RERE: variants seen among roughly 807,000 people sequenced by gnomAD.
The protein encoded by RERE is arginine-glutamic acid dipeptide repeats, also known as arginine-glutamic acid dipeptide repeats protein.
Under a neutral mutation model 146.1 loss-of-function variants are expected in RERE, and 40 were observed. The ratio of observed to expected loss-of-function variants is 0.27; its 90% CI spans 0.21 to 0.36. RERE has a LOEUF of 0.36. Among genes scored for constraint, RERE ranks in the 10% least tolerant of loss-of-function variants. The probability of loss-of-function intolerance (pLI) is 1.00; values close to 1 mark genes in which losing one functional copy is unlikely to be tolerated. For missense variants in RERE, 1,933 were observed against 2,138.7 expected, an observed-to-expected ratio of 0.90 and a Z score of 1.90; for synonymous variants, 1,003 against 866.0, an observed-to-expected ratio of 1.16 and a Z score of -2.78.
chr1:8,579,602 A>G (rs1479433666), intron 4 of RERE, among the ~76,000 whole-genome samples: 1 of 152,258 alleles, frequency 6.6e-6, no homozygotes, highest in Non-Finnish European at 1.5e-5. Flanking sequence ...CTGCCTCTGC[A>G]TTAATAAAGA....
At chr1:8,748,485 C>G (rs1640468412) in intron 1 of RERE, among the ~76,000 whole-genome samples, 1 of 152,202 alleles carries the variant, frequency 6.6e-6, no homozygotes, top group South Asian at 2.1e-4. Flanking sequence ...ATTCTCCATA[C>G]TATTATCAGA....
At position 8,354,690 on chromosome 1, in the gene RERE, G is replaced by A. The variant is rs979918545; in HGVS notation, c.*397C>T. On this transcript the variant is annotated 3_prime_UTR_variant, in exon 23 of 23. Transcript: ENST00000400908. Reference sequence around the variant, plus strand: ...CCTATGCCCCCGATCTGCAAGCCTCGTGGGCTCTGGAGCACTCGTGGCGGA... The same window carrying A: ...CCTATGCCCCCGATCTGCAAGCCTCATGGGCTCTGGAGCACTCGTGGCGGA... 5.6e-6 allele frequency: 1 copy of A among 178,956 alleles called. No homozygotes were observed. The highest frequency in any genetic ancestry group is 1.5e-4 in the East Asian group (1 of 6,834). 11.1% of individuals were successfully genotyped at this position (178,956 alleles called of 1,614,324 possible).
At chr1:8,670,324 C>A (rs1410658514) in intron 1 of RERE, among the ~76,000 whole-genome samples, 3 of 152,188 alleles carry the variant, frequency 2.0e-5, no homozygotes, top group Admixed American at 6.5e-5. Context: ...AAATAAACAT[C>A]AATCTCCAGA....
Position 8,423,733 on chromosome 1 carries a change from CG to C in RERE, c.1204-927del, listed in dbSNP as rs1160125686. On this transcript the variant is annotated intron_variant, in intron 11 of 22. Coordinates refer to ENST00000400908, the MANE Select transcript of RERE (RefSeq NM_001042681.2). The surrounding 1 kb of genome is among the most constrained non-coding windows in gnomAD (Gnocchi z 5.4). ...GTGACCGCGGCGGGGCCGCGCGGCG[CG>C]GGGCCCGGGGGGCGCGGGGCTGGGG... The C allele has an allele frequency of 1.0e-6, 1 of 976,146 alleles. No homozygotes were observed. Among genetic ancestry groups the C allele is most frequent in the Non-Finnish European group, 1.2e-6 (1 of 824,436 alleles). 60.5% of individuals were successfully genotyped at this position (976,146 alleles called of 1,614,324 possible).
intron 7 of RERE, among the ~76,000 whole-genome samples, chr1:8,523,837 AG>A (rs2124348750): frequency 6.6e-6 from 1 of 152,368 alleles, no homozygotes; most frequent in East Asian, 1.9e-4. Context: ...CACCAGTGGC[AG>A]GAACCTGATC....
At position 8,736,851 on chromosome 1, in the gene RERE, GAAAAAAAAAAAAAAA is replaced by G. The variant is rs34872965; in HGVS notation, c.-145+80294_-145+80308del. On this transcript the variant is annotated intron_variant, in intron 1 of 22. Transcript: ENST00000400908. ...TGTTACCTCTAGGAGAAGCAAGGGG[GAAAAAAAAAAAAAAA>G]AAAAAAAAACTAAAACCTTTGGAGA... 1.6e-4 allele frequency among the ~76,000 whole-genome samples: 16 copies of G among 99,808 alleles called. No homozygotes were observed. The East Asian group carries it at 4.1e-3, about 25-fold the overall frequency. The allele number at this position is 99,808 out of a possible 152,430, so 65.5% of individuals were successfully genotyped here. A position where few individuals can be genotyped will look rare whatever the true frequency, so the allele number is the denominator to read the frequency against.
At chr1:8,402,838 C>T (rs1643309733) in intron 12 of RERE, among the ~76,000 whole-genome samples, 1 of 152,150 alleles carries the variant, frequency 6.6e-6, no homozygotes, top group Non-Finnish European at 1.5e-5. Context: ...GGTATATTCA[C>T]CTGTAAAACT....
At chr1:8,741,398 T>C (rs970809516) in intron 1 of RERE, among the ~76,000 whole-genome samples, 8 of 152,166 alleles carry the variant, frequency 5.3e-5, no homozygotes, top group East Asian at 1.9e-4. Context: ...TGGTTAGGCA[T>C]TGTGTCCCCA....
At chr1:8,581,012 T>C (rs1646358278) in intron 4 of RERE, among the ~76,000 whole-genome samples, 1 of 152,150 alleles carries the variant, frequency 6.6e-6, no homozygotes, top group African/African-American at 2.4e-5. Flanking sequence ...ACTACTCTGA[T>C]TTCCATCACA....
intron 12 of RERE, among the ~76,000 whole-genome samples, chr1:8,409,971 ATTTTTT>A (rs57424627): frequency 7.3e-5 from 7 of 95,390 alleles, no homozygotes; most frequent in Admixed American, 2.4e-4. Context: ...CAATCAGGCA[ATTTTTT>A]TTTTTTTTTT....
intron 1 of RERE, chr1:8,750,603 A>T (rs1200550003): frequency 9.4e-5 from 93 of 993,908 alleles, no homozygotes; most frequent in Non-Finnish European, 1.4e-5. Context: ...CACTATCACA[A>T]GGAATATAGG....
At chr1:8,445,017 G>A (rs1443903188) in intron 11 of RERE, among the ~76,000 whole-genome samples, 1 of 151,726 alleles carries the variant, frequency 6.6e-6, no homozygotes, top group Non-Finnish European at 1.5e-5. Flanking sequence ...ATTTTTAAAT[G>A]TCAATGTTTG....
At chr1:8,379,509 TATGAAAAC>T (rs1024486127) in intron 12 of RERE, among the ~76,000 whole-genome samples, 5 of 152,290 alleles carry the variant, frequency 3.3e-5, no homozygotes, top group African/African-American at 1.2e-4. Context: ...GGGTGTAATT[TATGAAAAC>T]AGCCATGGAT....
chr1:8,602,326 C>T (rs1390429126), intron 4 of RERE, among the ~76,000 whole-genome samples: 3 of 150,682 alleles, frequency 2.0e-5, no homozygotes, highest in Admixed American at 6.6e-5. Context: ...GGGAGGTGAA[C>T]GCTGCAGTGA....
At chr1:8,613,759 A>T (rs1468232286) in intron 4 of RERE, among the ~76,000 whole-genome samples, 4 of 152,110 alleles carry the variant, frequency 2.6e-5, no homozygotes, top group African/African-American at 4.8e-5. Context: ...CACTTCTTTC[A>T]TATTAACCCA....
intron 1 of RERE, among the ~76,000 whole-genome samples, chr1:8,771,703 G>T (rs574496181): frequency 1.3e-5 from 2 of 152,036 alleles, no homozygotes; most frequent in African/African-American, 2.4e-5. Flanking sequence ...GAGGTCAGGA[G>T]ATAGAGGCCA....
intron 1 of RERE, among the ~76,000 whole-genome samples, chr1:8,745,377 T>A (rs74050280): frequency 0.026 from 3,969 of 152,282 alleles, 165 homozygotes; most frequent in African/African-American, 0.09. Flanking sequence ...TTAAACAGGC[T>A]CAGGTATTTC....
chr1:8,547,422 T>C (rs1442531733), intron 6 of RERE, among the ~76,000 whole-genome samples: 1 of 151,994 alleles, frequency 6.6e-6, no homozygotes, highest in Non-Finnish European at 1.5e-5. Context: ...TTTGATTAGA[T>C]AAAAATACAT....
At chr1:8,743,016 G>GA (rs796766324) in intron 1 of RERE, among the ~76,000 whole-genome samples, 3 of 152,156 alleles carry the variant, frequency 2.0e-5, no homozygotes, top group African/African-American at 7.2e-5. Flanking sequence ...TTTAATCCTC[G>GA]AGACATATTG....
Sources: allele counts gnomAD v4.1 joint callset (sites outside exome capture counted in the v4.1 genomes callset), GRCh38; gene constraint gnomAD v4.1.1; non-coding constraint Gnocchi (gnomAD v3.1); transcripts MANE v1.5; gene names NCBI Gene and HGNC (gene_info 2026-07-23, HGNC 2026-07-21).